The following SETD5 variants were observed in gnomAD, a reference collection of about 807,000 sequenced individuals.
SETD5 encodes SET domain containing 5, also known as histone-lysine N-methyltransferase SETD5.
In SETD5, 44 loss-of-function variants were observed where a neutral mutation model predicts 153.3. The ratio of observed to expected loss-of-function variants is 0.29; its 90% confidence interval spans 0.23 to 0.37. SETD5 has a LOEUF of 0.37. SETD5 is among the 10% of genes least tolerant of loss of function. SETD5 has a pLI of 1.00. For missense variants in SETD5, 1,544 were observed against 1,768.0 expected (o/e 0.87, Z 2.27); for synonymous variants, 716 against 645.2 (o/e 1.11, Z -1.66).
intron 1 of SETD5, among the ~76,000 whole-genome samples, chr3:9,411,319 T>C (rs1388593732): frequency 6.6e-6 from 1 of 152,182 alleles, no homozygotes; most frequent in African/African-American, 2.4e-5. Flanking sequence ...TTTTTTAACT[T>C]TGTCATTTAA....
intron 13 of SETD5, 103 bp downstream of exon 13, chr3:9,445,843 C>G: frequency 1.4e-6 from 1 of 694,490 alleles, no homozygotes; most frequent in South Asian, 4.7e-5. Flanking sequence ...TTGATTTGAC[C>G]TGAAGGTTAT....
intron 1 of SETD5, among the ~76,000 whole-genome samples, chr3:9,405,377 A>C (rs1324460029): frequency 6.6e-6 from 1 of 152,200 alleles, no homozygotes; most frequent in African/African-American, 2.4e-5. Context: ...ACCTCTATGT[A>C]TGTTTACCCT....
At chr3:9,471,281 A>G (rs372970992) in intron 19 of SETD5, among the ~76,000 whole-genome samples, 4 of 152,170 alleles carry the variant, frequency 2.6e-5, no homozygotes, top group Non-Finnish European at 5.9e-5. Context: ...GCAATTTTCT[A>G]TTTTGCACAT....
intron 1 of SETD5, among the ~76,000 whole-genome samples, chr3:9,419,584 T>A (rs148097722): frequency 3.3e-5 from 5 of 152,250 alleles, no homozygotes; most frequent in African/African-American, 9.6e-5. Flanking sequence ...AAACAATTAG[T>A]TATAACTCAG....
chr3:9,433,975 A>G, intron 4 of SETD5, 25 bp downstream of exon 4: 6 of 1,613,466 alleles, frequency 3.7e-6, no homozygotes, highest in Non-Finnish European at 5.1e-6. Context: ...GTTTCTCTCC[A>G]GAACAGTGAT....
chr3:9,399,099 T>A (rs1305755297), intron 1 of SETD5, among the ~76,000 whole-genome samples: 1 of 152,212 alleles, frequency 6.6e-6, no homozygotes, highest in African/African-American at 2.4e-5. Context: ...ATCCCCAAGT[T>A]CTGTGCTAAT....
intron 17 of SETD5, among the ~76,000 whole-genome samples, chr3:9,460,241 A>G (rs1266811534): frequency 6.6e-6 from 1 of 151,756 alleles, no homozygotes; most frequent in South Asian, 2.1e-4. Context: ...ACAAAGGGAG[A>G]GATACGTTTT....
intron 4 of SETD5, 46 bp downstream of exon 4, chr3:9,433,996 T>C: frequency 6.2e-7 from 1 of 1,612,876 alleles, no homozygotes; most frequent in Non-Finnish European, 8.5e-7. Context: ...CTTCCTGGAG[T>C]GTAATCCATT....
intron 7 of SETD5, among the ~76,000 whole-genome samples, chr3:9,440,250 A>G (rs2041109205): frequency 6.6e-6 from 1 of 152,208 alleles, no homozygotes; most frequent in Non-Finnish European, 1.5e-5. Context: ...TTCCCCATTT[A>G]AAGAAGTTAT....
chr3:9,468,672 G>T, intron 18 of SETD5: 1 of 1,124,454 alleles, frequency 8.9e-7, no homozygotes, highest in Non-Finnish European at 1.2e-6. Context: ...ATCTGAGTCA[G>T]TGGGGTGATG....
At chr3:9,418,125 T>C (rs1248795645) in intron 1 of SETD5, among the ~76,000 whole-genome samples, 3 of 151,540 alleles carry the variant, frequency 2.0e-5, no homozygotes, top group Non-Finnish European at 4.4e-5. Flanking sequence ...TTTTTTTGTA[T>C]TTTTAGTAGA....
chr3:9,413,806 C>G (rs1305656199), intron 1 of SETD5, among the ~76,000 whole-genome samples: 2 of 151,998 alleles, frequency 1.3e-5, no homozygotes, highest in Non-Finnish European at 2.9e-5. Flanking sequence ...GAGACGGAGT[C>G]TGGCTCTGTC....
intron 1 of SETD5, among the ~76,000 whole-genome samples, chr3:9,415,552 C>T (rs991089080): frequency 2.0e-5 from 3 of 152,044 alleles, no homozygotes; most frequent in African/African-American, 4.8e-5. Flanking sequence ...TTGAGTTGGT[C>T]GTTGTCTTCC....
chr3:9,417,393 T>C (rs1372173384), intron 1 of SETD5, among the ~76,000 whole-genome samples: 2 of 152,284 alleles, frequency 1.3e-5, no homozygotes, highest in Non-Finnish European at 2.9e-5. Context: ...GTGGGTGTCA[T>C]AATGGAGTAT....
Position 9,473,400 on chromosome 3 carries a change from C to T in SETD5, c.3360C>T (p.Ala1120=). The T allele has an allele frequency of 6.2e-7, 1 of 1,613,918 alleles. No homozygotes were observed. The highest frequency in any genetic ancestry group is 8.5e-7 in the Non-Finnish European group (1 of 1,179,884). Residue 1120 remains alanine, a synonymous_variant, in exon 20 of 23, where the codon GCC becomes GCT. Coordinates refer to ENST00000402198, the MANE Select transcript of SETD5 (RefSeq NM_001080517.3). Reference sequence around the variant, plus strand: ...CCCATGGTGTGCAGGGATCCTCAGCCCGAACTCCATCTTCCCCTCACAAAA... The same window carrying T: ...CCCATGGTGTGCAGGGATCCTCAGCTCGAACTCCATCTTCCCCTCACAAAA... ...TGAHGVQGSS[A]RTPSSPHKKF...
At chr3:9,454,279 T>A (rs1269041508) in intron 17 of SETD5, among the ~76,000 whole-genome samples, 1 of 152,118 alleles carries the variant, frequency 6.6e-6, no homozygotes, top group Non-Finnish European at 1.5e-5. Flanking sequence ...GAAAAATTAT[T>A]ATCAATTGAT....
intron 17 of SETD5, among the ~76,000 whole-genome samples, chr3:9,462,570 G>C (rs2044093702): frequency 7.1e-6 from 1 of 141,362 alleles, no homozygotes; most frequent in South Asian, 2.2e-4. Context: ...CTAGGTGACA[G>C]AGCAAGAGTC....
chr3:9,447,688 T>C lies in SETD5; in HGVS notation c.1785T>C (p.Asp595=). The C allele has an allele frequency of 6.2e-7, 1 of 1,613,720 alleles. No individual in the cohort carries two copies. Among genetic ancestry groups the C allele is most frequent in the Non-Finnish European group, 8.5e-7 (1 of 1,179,694 alleles). The change falls in exon 15 of 23, where the codon GAT becomes GAC. Residue 595 remains aspartate, a splice_region_variant and synonymous_variant. Transcript: ENST00000402198. ...ATCTGACCCTACTATTGCTACAGGA[T>C]ATTGCTGCAGAAAAACTAGTCCCCA... The part of the protein sequence containing the change: ...VNTRRSSQAG[D]IAAEKLVPKP...
chr3:9,433,981 G>A (rs2040269943), intron 4 of SETD5, 31 bp downstream of exon 4: 1 of 1,611,738 alleles, frequency 6.2e-7, no homozygotes, highest in South Asian at 1.1e-5. Context: ...CTCCAGAACA[G>A]TGATCTTCCT....
Sources: allele counts gnomAD v4.1 joint callset (sites outside exome capture counted in the v4.1 genomes callset), GRCh38; gene constraint gnomAD v4.1.1; transcripts MANE v1.5; gene names NCBI Gene and HGNC (gene_info 2026-07-23, HGNC 2026-07-21).